DEFA5: variants seen among roughly 807,000 people sequenced by gnomAD.
The protein encoded by DEFA5 is HD5(20-94).
In DEFA5, 11 loss-of-function variants were observed where a neutral mutation model predicts 8.7. The observed-to-expected ratio is 1.26, with a 90% CI of 0.80 to 2.09. The LOEUF is 2.09. DEFA5 is among the 30% of genes most tolerant of loss of function. The pLI, the probability that DEFA5 is intolerant of heterozygous loss-of-function variation, is 0.00. For synonymous variants in DEFA5, 52 were observed against 43.9 expected, an observed-to-expected ratio of 1.18 and a Z score of -0.73; for missense variants, 181 against 117.2, an observed-to-expected ratio of 1.54 and a Z score of -2.52.
At chr8:7,056,405 G>T (rs1812430829) in intron 1 of DEFA5, 121 bp downstream of exon 1, 15 of 1,003,826 alleles carry the variant, frequency 1.5e-5, no homozygotes, top group Non-Finnish European at 2.1e-5. Flanking sequence ...AGAAAATCAA[G>T]GTCCAGGAAG....
chr8:7,055,653 G>A (rs1585105688), intron 1 of DEFA5, 110 bp from the exon 2 acceptor site: 1 of 708,658 alleles, frequency 1.4e-6, no homozygotes, highest in East Asian at 2.7e-5. Context: ...AGTCATGTTA[G>A]GATGGAGAAA....
chr8:7,055,759 T>A (rs189783744), intron 1 of DEFA5, among the ~76,000 whole-genome samples: 1 of 152,312 alleles, frequency 6.6e-6, no homozygotes, highest in East Asian at 1.9e-4. Flanking sequence ...CTATCCAGGA[T>A]GTATTTATTA....
chr8:7,055,633 A>G, intron 1 of DEFA5, 90 bp from the exon 2 acceptor site: 2 of 820,094 alleles, frequency 2.4e-6, no homozygotes, highest in Admixed American at 2.1e-5. Context: ...TAAATAAGAG[A>G]CACTGTATCA....
rs1272990590 is a variant in DEFA5, at chr8:7,055,555, A to T, written c.173-12T>A. On this transcript the variant is annotated splice_polypyrimidine_tract_variant and intron_variant, in intron 1 of 1. Transcript: ENST00000330590. ...TCTTGCCTGAGAACCTGTGGAAAGA[A>T]GAGAGGGTCAGGCACAGCGAGGGAG... 6.3e-7 allele frequency: 1 copy of T among 1,590,662 alleles called. No homozygotes were observed. Among genetic ancestry groups the T allele is most frequent in the South Asian group, 1.1e-5 (1 of 89,430 alleles).
chr8:7,056,495 T>C, intron 1 of DEFA5, 31 bp downstream of exon 1: 1 of 1,573,580 alleles, frequency 6.4e-7, no homozygotes, highest in Non-Finnish European at 8.7e-7. Context: ...TTTTCTAGAT[T>C]TTGCAGATGT....
rs775704050 is a variant in DEFA5 at position 7,055,521 on chromosome 8, G to A, written c.195C>T (p.Cys65=). The A allele has an allele frequency of 2.5e-6, 4 of 1,612,828 alleles. No homozygotes were observed. In the East Asian group the frequency reaches 8.9e-5, roughly 36 times the overall value. The stretch of plus-strand genomic sequence containing the variant: ...TAGCACAACGGCCGGTTCGGCAATA[G>A]CAGGTGGCTCTTGCCTGAGAACCTG... ...RTSGSQARAT[C]YCRTGRCATR... Residue 65 remains cysteine, a synonymous_variant, in exon 2 of 2, where the codon TGC becomes TGT. Coordinates refer to ENST00000330590, the MANE Select transcript of DEFA5 (RefSeq NM_021010.3).
In DEFA5 at chr8:7,055,491, A is replaced by G; in HGVS notation, c.225T>C (p.Arg75=). Residue 75 remains arginine (R), a synonymous_variant, in exon 2 of 2, where the codon CGT becomes CGC. Transcript: ENST00000330590. ...TTTCACACACCCCGGAGAGGGACTCACGGGTAGCACAACGGCCGGTTCGGC... is the reference window on the plus strand; with the variant it reads ...TTTCACACACCCCGGAGAGGGACTCGCGGGTAGCACAACGGCCGGTTCGGC... The part of the protein sequence containing the change: ...CYCRTGRCAT[R]ESLSGVCEIS... 1 of 1,613,454 alleles carries G rather than the reference A, an allele frequency of 6.2e-7. No individual in the cohort carries two copies. Among genetic ancestry groups the G allele is most frequent in the East Asian group, 2.2e-5 (1 of 44,864 alleles).
rs1206906286 is a variant in DEFA5, at chr8:7,056,577, C to A, written c.121G>T (p.Asp41Tyr). ...TQKQSGEDNQ[D>Y]LAISFAGNGL... ...TTTCCTGCAAAGGAGATAGCAAGGT[C>A]CTGGTTGTCTTCCCCAGACTGCTTC... Residue 41 changes from aspartate to tyrosine, a missense_variant, in exon 1 of 2, where the codon GAC becomes TAC. Asp to Tyr is a radical substitution (Grantham distance 160). Coordinates refer to ENST00000330590, the MANE Select transcript of DEFA5 (RefSeq NM_021010.3). The A allele has an allele frequency of 3.7e-6, 6 of 1,613,880 alleles. No individual in the cohort carries two copies. The highest frequency in any genetic ancestry group is 2.7e-5 in the African/African-American group (2 of 74,922).
Position 7,055,380 on chromosome 8 carries a change from T to C in DEFA5, c.*51A>G. 7.0e-7 allele frequency: 1 copy of C among 1,427,696 alleles called. No homozygotes were observed. The allele number at this position is 1,427,696 out of a possible 1,614,324, so 88.4% of individuals were successfully genotyped here. On this transcript the variant is annotated 3_prime_UTR_variant, in exon 2 of 2. Coordinates refer to ENST00000330590, the MANE Select transcript of DEFA5 (RefSeq NM_021010.3). ...ACACAGAGTAAAATGTTTTTCTTTTTTCAGGACCTTGAACTGAATCTTGCA... is the reference window on the plus strand; with the variant it reads ...ACACAGAGTAAAATGTTTTTCTTTTCTCAGGACCTTGAACTGAATCTTGCA...
intron 1 of DEFA5, 45 bp downstream of exon 1, chr8:7,056,481 C>CT (rs758274285): frequency 4.2e-5 from 65 of 1,553,082 alleles, no homozygotes; most frequent in Non-Finnish European, 5.3e-5. Flanking sequence ...TTCTCCAATC[C>CT]TTTTTTTCTA....
At chr8:7,055,671 T>C in intron 1 of DEFA5, 128 bp from the exon 2 acceptor site, 1 of 658,438 alleles carries the variant, frequency 1.5e-6, no homozygotes, top group Non-Finnish European at 2.7e-6. Context: ...AAAATTCATG[T>C]CTTTGTCGTA....
intron 1 of DEFA5, 44 bp from the exon 2 acceptor site, chr8:7,055,587 A>G: frequency 7.3e-7 from 1 of 1,368,394 alleles, no homozygotes; most frequent in South Asian, 1.2e-5. Flanking sequence ...GGAGGTGGGA[A>G]AAAGGACAAG....
In DEFA5 at chr8:7,055,505, G is replaced by C. The variant is rs137962701; in HGVS notation, c.211C>G (p.Arg71Gly). 1 of 1,613,576 alleles carries C rather than the reference G, an allele frequency of 6.2e-7. No homozygotes were observed. The highest frequency in any genetic ancestry group is 1.7e-5 in the Admixed American group (1 of 59,956). ...ARATCYCRTG[R>G]CATRESLSGV... ...GAGAGGGACTCACGGGTAGCACAAC[G>C]GCCGGTTCGGCAATAGCAGGTGGCT... The change falls in exon 2 of 2, where the codon CGT becomes GGT. Residue 71 changes from arginine (R) to glycine (G), a missense_variant. Arg to Gly is a moderately radical substitution (Grantham distance 125). Coordinates refer to ENST00000330590, the MANE Select transcript of DEFA5 (RefSeq NM_021010.3).
intron 1 of DEFA5, among the ~76,000 whole-genome samples, chr8:7,056,304 C>A (rs1812427708): frequency 1.3e-5 from 2 of 152,006 alleles, no homozygotes; most frequent in Admixed American, 6.6e-5. Context: ...TTAAAAGTAG[C>A]AAATTTCACA....
intron 1 of DEFA5, among the ~76,000 whole-genome samples, chr8:7,056,101 C>G (rs1812419464): frequency 7.1e-6 from 1 of 141,616 alleles, no homozygotes; most frequent in South Asian, 2.3e-4. Context: ...GTATGAGACA[C>G]AATATGATGT....
At chr8:7,055,992 A>T (rs1812410052) in intron 1 of DEFA5, among the ~76,000 whole-genome samples, 1 of 146,870 alleles carries the variant, frequency 6.8e-6, no homozygotes, top group South Asian at 2.2e-4. Flanking sequence ...TCCAAATTCA[A>T]ATTCTTCATT....
rs115418153 is a variant in DEFA5 at position 7,055,333 on chromosome 8, G to A, written c.*98C>T. The A allele has an allele frequency of 1.1e-6, 1 of 873,528 alleles. No homozygotes were observed. The highest frequency in any genetic ancestry group is 2.4e-5 in the Admixed American group (1 of 41,732). 54.1% of individuals were successfully genotyped at this position (873,528 alleles called of 1,614,324 possible). A position where few individuals can be genotyped will look rare whatever the true frequency, so the allele number is the denominator to read the frequency against. On this transcript the variant is annotated 3_prime_UTR_variant, in exon 2 of 2. Transcript: ENST00000330590. ...ATGCTTGAACTTTATTTTGGAGAGAGAAATTTAGAAAGACACAAGGTACAC... is the reference window on the plus strand; with the variant it reads ...ATGCTTGAACTTTATTTTGGAGAGAAAAATTTAGAAAGACACAAGGTACAC...
chr8:7,056,367 T>G (rs1812429928), intron 1 of DEFA5, among the ~76,000 whole-genome samples, 159 bp downstream of exon 1: 1 of 152,224 alleles, frequency 6.6e-6, no homozygotes, highest in South Asian at 2.1e-4. Flanking sequence ...TTAGATTTAT[T>G]TGGTTCTCAC....
chr8:7,056,619 C>A lies in DEFA5; in HGVS notation c.79G>T (p.Asp27Tyr). ...AQAESLQERA[D>Y]EATTQKQSGE... ...GACTGCTTCTGGGTTGTAGCCTCATCAGCTCTTTCCTGGAGTGACTCAGCC... is the reference window on the plus strand; with the variant it reads ...GACTGCTTCTGGGTTGTAGCCTCATAAGCTCTTTCCTGGAGTGACTCAGCC... Residue 27 changes from aspartate to tyrosine, a missense_variant, in exon 1 of 2, where the codon GAT becomes TAT. Coordinates refer to ENST00000330590, the MANE Select transcript of DEFA5 (RefSeq NM_021010.3). 1 of 1,614,190 alleles carries A rather than the reference C, an allele frequency of 6.2e-7. No homozygotes were observed. The highest frequency in any genetic ancestry group is 8.5e-7 in the Non-Finnish European group (1 of 1,179,994).
Sources: allele counts gnomAD v4.1 joint callset (sites outside exome capture counted in the v4.1 genomes callset), GRCh38; gene constraint gnomAD v4.1.1; transcripts MANE v1.5; gene names NCBI Gene and HGNC (gene_info 2026-07-23, HGNC 2026-07-21).